Variants in ASTN2 observed in about 807,000 individuals in gnomAD.
ASTN2 encodes astrotactin 2, also known as astrotactin-2.
Under a neutral mutation model 139.8 loss-of-function variants are expected in ASTN2, and 54 were observed. The ratio of observed to expected loss-of-function variants is 0.39; its 90% CI spans 0.31 to 0.48. ASTN2 has a LOEUF of 0.48. Among genes scored for constraint, ASTN2 ranks in the 20% least tolerant of loss-of-function variants. ASTN2 has a pLI of 0.95. For synonymous variants in ASTN2, 756 were observed against 719.5 expected, an observed-to-expected ratio of 1.05 and a Z score of -0.81; for missense variants, 1,565 against 1,725.1, an observed-to-expected ratio of 0.91 and a Z score of 1.64.
In ASTN2 at chr9:117,374,842, A is replaced by C. The variant is rs147834658; in HGVS notation, c.442+39655T>G. 4.5e-3 allele frequency among the ~76,000 whole-genome samples: 684 copies of C among 152,288 alleles called. 6 individuals are homozygous for C. The highest frequency in any genetic ancestry group is 0.016 in the African/African-American group (649 of 41,552). On this transcript the variant is annotated intron_variant, in intron 1 of 22. Coordinates refer to ENST00000313400, the MANE Select transcript of ASTN2 (RefSeq NM_001365068.1). ...TGTAGGCATTGCATGAAGGAGAAAT[A>C]ATCCAGGTTGACCAGAAGCCTGACT...
intron 16 of ASTN2, among the ~76,000 whole-genome samples, chr9:116,694,672 C>T (rs1458796967): frequency 2.7e-5 from 4 of 148,956 alleles, no homozygotes; most frequent in East Asian, 3.9e-4. Flanking sequence ...GGAGTTTCAC[C>T]GTCTTAGCCA....
At chr9:117,213,504 C>A (rs1832209590) in intron 3 of ASTN2, among the ~76,000 whole-genome samples, 1 of 151,990 alleles carries the variant, frequency 6.6e-6, no homozygotes, top group Non-Finnish European at 1.5e-5. Context: ...TACTAATTAC[C>A]CTGATCTGAT....
At chr9:116,488,465 A>G (rs1849409145) in intron 19 of ASTN2, among the ~76,000 whole-genome samples, 1 of 152,208 alleles carries the variant, frequency 6.6e-6, no homozygotes, top group African/African-American at 2.4e-5. Context: ...ATATGAACAA[A>G]AATTAAGTTA....
At chr9:116,765,691 T>G (rs2132175118) in intron 13 of ASTN2, among the ~76,000 whole-genome samples, 1 of 152,146 alleles carries the variant, frequency 6.6e-6, no homozygotes, top group African/African-American at 2.4e-5. Context: ...AAAATACGGC[T>G]GATCTTTAAA....
intron 3 of ASTN2, among the ~76,000 whole-genome samples, chr9:117,175,036 G>A (rs1221146176): frequency 6.6e-6 from 1 of 151,746 alleles, no homozygotes; most frequent in Non-Finnish European, 1.5e-5. Flanking sequence ...ACTATTAATG[G>A]CAAATTATGT....
intron 17 of ASTN2, among the ~76,000 whole-genome samples, chr9:116,635,256 C>G (rs1252145253): frequency 6.6e-6 from 1 of 152,118 alleles, no homozygotes. Context: ...CATCTTACAT[C>G]TAAGAAAACG....
intron 17 of ASTN2, among the ~76,000 whole-genome samples, chr9:116,633,804 G>T (rs1288607253): frequency 6.6e-6 from 1 of 152,110 alleles, no homozygotes; most frequent in Non-Finnish European, 1.5e-5. Flanking sequence ...GGACAGGAGG[G>T]GACATGCTTA....
rs542322617 is a variant in ASTN2 at position 116,968,569 on chromosome 9, C to A, written c.1889+6639G>T. 3.7e-4 allele frequency among the ~76,000 whole-genome samples: 56 copies of A among 152,244 alleles called. No homozygotes were observed. The South Asian group carries it at 0.012, about 32-fold the overall frequency. ...TTCTCTCCCTTCATCAACTGCCATG[C>A]ATCCCTTGGCACTACACTGCAGCCA... On this transcript the variant is annotated intron_variant, in intron 10 of 22. Transcript: ENST00000313400.
intron 17 of ASTN2, among the ~76,000 whole-genome samples, chr9:116,634,756 A>C (rs576372485): frequency 1.4e-4 from 22 of 152,192 alleles, no homozygotes; most frequent in Non-Finnish European, 3.1e-4. Context: ...CACTGGAACA[A>C]GCTATCAGAG....
chr9:116,481,965 G>C (rs1281537810), intron 20 of ASTN2, among the ~76,000 whole-genome samples: 1 of 152,174 alleles, frequency 6.6e-6, no homozygotes, highest in African/African-American at 2.4e-5. Context: ...CTCATTATGT[G>C]ACATTGGGGA....
At chr9:117,081,713 G>A (rs1828433003) in intron 5 of ASTN2, among the ~76,000 whole-genome samples, 1 of 152,216 alleles carries the variant, frequency 6.6e-6, no homozygotes, top group Non-Finnish European at 1.5e-5. Context: ...GAGTCAAAGT[G>A]TGATGATCTC....
At chr9:116,837,230 C>T (rs1564294934) in intron 11 of ASTN2, among the ~76,000 whole-genome samples, 1 of 152,154 alleles carries the variant, frequency 6.6e-6, no homozygotes, top group African/African-American at 2.4e-5. Context: ...CTAATAAGGA[C>T]TCTAGCATGT....
At chr9:116,448,142 G>A (rs1848061866) in intron 20 of ASTN2, among the ~76,000 whole-genome samples, 1 of 152,162 alleles carries the variant, frequency 6.6e-6, no homozygotes, top group Admixed American at 6.5e-5. Context: ...AGGCATTCTG[G>A]GGAGGCAAAA....
intron 17 of ASTN2, among the ~76,000 whole-genome samples, chr9:116,643,417 A>C (rs1056858520): frequency 2.6e-5 from 4 of 152,178 alleles, no homozygotes; most frequent in African/African-American, 9.7e-5. Flanking sequence ...GCAGCAGGAA[A>C]GCAGTTATAG....
intron 10 of ASTN2, among the ~76,000 whole-genome samples, chr9:116,870,723 G>A (rs2132352263): frequency 1.3e-5 from 2 of 152,282 alleles, no homozygotes; most frequent in South Asian, 4.2e-4. Context: ...GGCTGAGTCA[G>A]CCCAAGCCTG....
chr9:117,227,746 C>G (rs1205751063), intron 2 of ASTN2, among the ~76,000 whole-genome samples: 1 of 152,156 alleles, frequency 6.6e-6, no homozygotes, highest in African/African-American at 2.4e-5. Context: ...ACTCCTCTCT[C>G]TCTACTGTTG....
chr9:116,453,313 G>T (rs533045162), intron 20 of ASTN2, among the ~76,000 whole-genome samples: 2 of 152,146 alleles, frequency 1.3e-5, no homozygotes, highest in African/African-American at 2.4e-5. Context: ...AATGAATAGC[G>T]CTGGGCGTGG....
At chr9:116,952,240 T>C (rs1375678662) in intron 10 of ASTN2, among the ~76,000 whole-genome samples, 1 of 152,194 alleles carries the variant, frequency 6.6e-6, no homozygotes. Flanking sequence ...TCTGACTACT[T>C]ACTCTAGACC....
chr9:116,856,936 A>C (rs1832755905), intron 11 of ASTN2, among the ~76,000 whole-genome samples: 1 of 152,194 alleles, frequency 6.6e-6, no homozygotes, highest in African/African-American at 2.4e-5. Context: ...GCGAGTATGC[A>C]AATCCTTCCA....
Sources: gnomAD v4.1 joint callset for allele counts (sites outside exome capture counted in the v4.1 genomes callset) on GRCh38, gnomAD v4.1.1 for gene constraint, MANE v1.5 for transcripts, NCBI Gene and HGNC (gene_info 2026-07-23, HGNC 2026-07-21) for gene names.